Variants in TMTC1 observed in about 807,000 individuals in gnomAD.
TMTC1 encodes the protein transmembrane O-mannosyltransferase targeting cadherins 1.
A neutral mutation model predicts 104.8 loss-of-function variants in TMTC1; 73 were observed. The observed-to-expected ratio is 0.70, with a 90% CI of 0.58 to 0.85. The LOEUF (loss-of-function observed/expected upper bound fraction) is 0.85. Ranked by LOEUF, TMTC1 falls within the 40% of genes least tolerant of loss-of-function variation. TMTC1 has a pLI of 0.00. For synonymous variants in TMTC1, 434 were observed against 428.7 expected (o/e 1.01, Z -0.15); for missense variants, 1,035 against 1,096.1 (o/e 0.94, Z 0.79).
chr12:29,738,023 AGACT>A (rs1415754833), intron 5 of TMTC1, among the ~76,000 whole-genome samples: 2 of 152,242 alleles, frequency 1.3e-5, no homozygotes, highest in African/African-American at 4.8e-5. Context: ...CAACTGTAGA[AGACT>A]GACTATCTTC....
rs76466068 is a variant in TMTC1, at chr12:29,629,389, C to T, written c.1128+3758G>A. ...CACCCTTCAAGTTGTTCTGCCCTCCCATATCGAGCCAATGTATGTTTTACA... is the reference window on the plus strand; with the variant it reads ...CACCCTTCAAGTTGTTCTGCCCTCCTATATCGAGCCAATGTATGTTTTACA... On this transcript the variant is annotated intron_variant, in intron 6 of 17. Transcript: ENST00000539277. Among the ~76,000 whole-genome samples, 393 of 152,120 alleles carry T rather than the reference C, an allele frequency of 2.6e-3. 1 individual carries two copies. Among genetic ancestry groups the T allele is most frequent in the Non-Finnish European group, 4.8e-3 (325 of 68,002 alleles).
intron 7 of TMTC1, among the ~76,000 whole-genome samples, chr12:29,599,954 A>C (rs1946512314): frequency 6.9e-6 from 1 of 144,518 alleles, no homozygotes; most frequent in African/African-American, 2.7e-5. Context: ...GTGTATATAT[A>C]TGTGTATATA....
intron 5 of TMTC1, among the ~76,000 whole-genome samples, chr12:29,719,847 G>A (rs1340056726): frequency 6.6e-6 from 1 of 152,154 alleles, no homozygotes; most frequent in African/African-American, 2.4e-5. Flanking sequence ...TATTTTATCT[G>A]GCAGTTTTTA....
rs778634418 is a variant in TMTC1 at position 29,751,772 on chromosome 12, G to A, written c.832C>T (p.Arg278Trp). 13 of 1,613,872 alleles carry A rather than the reference G, an allele frequency of 8.1e-6. No individual in the cohort carries two copies. The highest frequency in any genetic ancestry group is 1.3e-5 in the African/African-American group (1 of 74,892). Residue 278 changes from arginine (R) to tryptophan (W), a missense_variant, in exon 5 of 18, where the codon CGG (arginine) becomes TGG (tryptophan). Transcript: ENST00000539277. Reference sequence around the variant, plus strand: ...CCCCAAGCTCCTTTGTGAGGGAACCGCTGCTGCTTCCCATTCTCCCGGTGA... The same window carrying A: ...CCCCAAGCTCCTTTGTGAGGGAACCACTGCTGCTTCCCATTCTCCCGGTGA... ...HPHRENGKQQ[R>W]FPHKGAWGGC...
In TMTC1 at chr12:29,517,547, A is replaced by G. The variant is rs777677363; in HGVS notation, c.2049T>C (p.Ala683=). 1.9e-5 allele frequency: 30 copies of G among 1,613,666 alleles called. No individual in the cohort carries two copies. The highest frequency in any genetic ancestry group is 2.5e-5 in the Non-Finnish European group (29 of 1,179,626). The change falls in exon 14 of 18, where the codon GCT becomes GCC. Residue 683 remains alanine, a synonymous_variant. Transcript: ENST00000539277. ...YKRALQVAHK[A]EILSPLGALY... is the part of the protein sequence containing the mutation. Reference sequence around the variant, plus strand: ...GTGCTCCCAAAGGTGACAATATCTCAGCTTTGTGTGCCACCTGCAGGGCGC... The same window carrying G: ...GTGCTCCCAAAGGTGACAATATCTCGGCTTTGTGTGCCACCTGCAGGGCGC...
chr12:29,783,604 C>A lies in TMTC1; in HGVS notation c.148G>T (p.Val50Leu). 2.0e-6 allele frequency: 3 copies of A among 1,476,196 alleles called. No homozygotes were observed. Among genetic ancestry groups the A allele is most frequent in the Non-Finnish European group, 2.7e-6 (3 of 1,117,204 alleles). 91.4% of individuals were successfully genotyped at this position (1,476,196 alleles called of 1,614,324 possible). Residue 50 changes from valine (V) to leucine (L), a missense_variant, in exon 1 of 18, where the codon GTG becomes TTG. Transcript: ENST00000539277. This position sits in a 1 kb window ranked among gnomAD's most constrained non-coding sequence, Gnocchi z 4.7. Reference sequence around the variant, plus strand: ...ACGATCGCCCACACGTCGTCGTGCACGAACTCGCCCTGCAGGGAGCGGCCG... The same window carrying A: ...ACGATCGCCCACACGTCGTCGTGCAAGAACTCGCCCTGCAGGGAGCGGCCG... ...CYGRSLQGEF[V>L]HDDVWAIVNN...
chr12:29,673,387 C>T (rs1221301472), intron 5 of TMTC1, among the ~76,000 whole-genome samples: 5 of 152,262 alleles, frequency 3.3e-5, no homozygotes, highest in East Asian at 1.9e-4. Context: ...GTGTAAAACG[C>T]TTTTCAATAT....
chr12:29,767,991 C>T lies in TMTC1; in HGVS notation c.387G>A (p.Leu129=). The change falls in exon 2 of 18, where the codon CTG becomes CTA. Residue 129 remains leucine (L), a synonymous_variant. Coordinates refer to ENST00000539277, the MANE Select transcript of TMTC1 (RefSeq NM_001193451.2). ...AGACAGTTTTATCACAGGTGTACAT[C>T]AGCACAAGAGTCACTAAGCAGTGTA... The part of the protein sequence containing the change: ...IILHCLVTLV[L]MYTCDKTVFK... 6.2e-7 allele frequency: 1 copy of T among 1,613,732 alleles called. No homozygotes were observed. The highest frequency in any genetic ancestry group is 8.5e-7 in the Non-Finnish European group (1 of 1,179,852).
rs149459456 is a variant in TMTC1, at chr12:29,624,980, C to T, written c.1128+8167G>A. On this transcript the variant is annotated intron_variant, in intron 6 of 17. Transcript: ENST00000539277. The stretch of plus-strand genomic sequence containing the variant: ...CATGAATCTCTGGACTCACTGCATA[C>T]GCTTGTTTATTCAGTATTTTTTTCT... Among the ~76,000 whole-genome samples, 49 of 152,234 alleles carry T rather than the reference C, an allele frequency of 3.2e-4. No individual in the cohort carries two copies. The East Asian group carries it at 5.2e-3, about 16-fold the overall frequency.
intron 2 of TMTC1, among the ~76,000 whole-genome samples, chr12:29,766,437 T>G (rs1161837521): frequency 6.6e-6 from 1 of 152,144 alleles, no homozygotes; most frequent in African/African-American, 2.4e-5. Flanking sequence ...ATACCTTACT[T>G]CTAAGGCCAT....
At chr12:29,734,638 C>T (rs1942625649) in intron 5 of TMTC1, among the ~76,000 whole-genome samples, 1 of 152,070 alleles carries the variant, frequency 6.6e-6, no homozygotes, top group African/African-American at 2.4e-5. Flanking sequence ...AAGAATATAC[C>T]ACATTTCTCA....
chr12:29,767,002 T>A (rs1289105916), intron 2 of TMTC1, among the ~76,000 whole-genome samples: 1 of 151,286 alleles, frequency 6.6e-6, no homozygotes, highest in African/African-American at 2.4e-5. Context: ...CAGGCTGGAG[T>A]ACAATGGTGC....
chr12:29,610,288 T>C (rs909761377), intron 6 of TMTC1, among the ~76,000 whole-genome samples: 3 of 152,260 alleles, frequency 2.0e-5, no homozygotes, highest in Admixed American at 1.3e-4. Flanking sequence ...AGTCTTTCCA[T>C]CATGTTTCAG....
At chr12:29,759,306 G>A (rs1943289875) in intron 2 of TMTC1, among the ~76,000 whole-genome samples, 1 of 151,756 alleles carries the variant, frequency 6.6e-6, no homozygotes, top group Non-Finnish European at 1.5e-5. Flanking sequence ...GACCAGCCTG[G>A]ACAACATGGC....
rs989770126 is a variant in TMTC1 at position 29,752,453 on chromosome 12, G to A, written c.732-581C>T. Among the ~76,000 whole-genome samples, 7 of 152,258 alleles carry A rather than the reference G, an allele frequency of 4.6e-5. 1 individual carries two copies. The highest frequency in any genetic ancestry group is 2.1e-4 in the South Asian group (1 of 4,820). On this transcript the variant is annotated intron_variant, in intron 4 of 17. Transcript: ENST00000539277. Reference sequence around the variant, plus strand: ...AGAACCATTTCAGGAGCAATGTCTCGGGATGTAATGCAGTTAACGTGCATC... The same window carrying A: ...AGAACCATTTCAGGAGCAATGTCTCAGGATGTAATGCAGTTAACGTGCATC...
chr12:29,782,749 A>T (rs1312956713), intron 1 of TMTC1: 1 of 152,194 alleles, frequency 6.6e-6, no homozygotes, highest in Non-Finnish European at 1.5e-5. Flanking sequence ...CGAGGTTGTA[A>T]AAGAAAAACT....
intron 1 of TMTC1, among the ~76,000 whole-genome samples, chr12:29,779,348 T>A (rs922726380): frequency 6.6e-6 from 1 of 152,204 alleles, no homozygotes; most frequent in Non-Finnish European, 1.5e-5. Context: ...AGAAACATAG[T>A]CCCAACTTAG....
At chr12:29,754,831 G>A (rs1027376993) in intron 4 of TMTC1, among the ~76,000 whole-genome samples, 11 of 152,076 alleles carry the variant, frequency 7.2e-5, no homozygotes, top group East Asian at 1.9e-4. Flanking sequence ...TCATCTCAGC[G>A]TGTTGCCACT....
chr12:29,536,215 AG>A lies in TMTC1; in HGVS notation c.1778del (p.Ala593ValfsTer17). 1 of 1,604,066 alleles carries A rather than the reference AG, an allele frequency of 6.2e-7. No homozygotes were observed. The highest frequency in any genetic ancestry group is 8.5e-7 in the Non-Finnish European group (1 of 1,171,370). The stretch of plus-strand genomic sequence containing the variant: ...TACTGTGTGAAACAATTACCTGCTC[AG>A]CCAATAACGAAGCTAAGCTTGAATA... ...DAYSSLASLL[A>X]EQERFKEAEE... On this transcript the variant is annotated frameshift_variant, in exon 11 of 18. Transcript: ENST00000539277. LOFTEE classifies it high-confidence loss of function.
Sources: gnomAD v4.1 joint callset for allele counts (sites outside exome capture counted in the v4.1 genomes callset) on GRCh38, gnomAD v4.1.1 for gene constraint, Gnocchi (gnomAD v3.1) non-coding constraint, MANE v1.5 for transcripts, NCBI Gene and HGNC (gene_info 2026-07-23, HGNC 2026-07-21) for gene names.